Variants in MTRES1 observed in about 807,000 individuals in gnomAD.
MTRES1 encodes the protein mitochondrial transcription rescue factor 1.
Under a neutral mutation model 17.4 loss-of-function variants are expected in MTRES1, and 11 were observed. That is an observed-to-expected ratio of 0.63 (90% CI 0.40 to 1.05). The LOEUF (loss-of-function observed/expected upper bound fraction) is 1.05, where lower values mean the gene tolerates loss of function less well. Among genes scored for constraint, MTRES1 ranks in the 50% least tolerant of loss-of-function variants. The probability of loss-of-function intolerance (pLI) is 0.00; values close to 1 mark genes in which losing one functional copy is unlikely to be tolerated. For synonymous variants in MTRES1, 94 were observed against 99.6 expected (o/e 0.94, Z 0.34); for missense variants, 268 against 276.2 (o/e 0.97, Z 0.21).
chr6:107,051,456 G>T lies in MTRES1; in HGVS notation c.*220G>T. 2.2e-6 allele frequency: 1 copy of T among 464,286 alleles called. No homozygotes were observed. The highest frequency in any genetic ancestry group is 3.9e-6 in the Non-Finnish European group (1 of 259,148). 28.8% of individuals were successfully genotyped at this position (464,286 alleles called of 1,614,324 possible). ...CCATGCTCCTTTGACCTCCTCGTGT[G>T]AGAACCCCTTTGCCAGAGTGAGACG... On this transcript the variant is annotated 3_prime_UTR_variant, in exon 4 of 4. Coordinates refer to ENST00000311381, the MANE Select transcript of MTRES1 (RefSeq NM_016487.5).
chr6:107,030,858 C>T (rs1384127314), intron 1 of MTRES1, among the ~76,000 whole-genome samples: 1 of 152,102 alleles, frequency 6.6e-6, no homozygotes, highest in African/African-American at 2.4e-5. Flanking sequence ...TATGTTAACT[C>T]GTTTCTGCAC....
intron 1 of MTRES1, among the ~76,000 whole-genome samples, chr6:107,036,804 C>T (rs1278794709): frequency 1.3e-5 from 2 of 149,746 alleles, no homozygotes; most frequent in Non-Finnish European, 3.0e-5. Flanking sequence ...GAGCTGAGAT[C>T]GCGCCACTGT....
chr6:107,043,970 T>C (rs1400099380), intron 2 of MTRES1, among the ~76,000 whole-genome samples: 1 of 152,108 alleles, frequency 6.6e-6, no homozygotes, highest in African/African-American at 2.4e-5. Flanking sequence ...CTACTAAAAA[T>C]ACAAAAGTTA....
chr6:107,041,067 A>T (rs1343493536), intron 2 of MTRES1, among the ~76,000 whole-genome samples: 1 of 150,360 alleles, frequency 6.7e-6, no homozygotes, highest in Non-Finnish European at 1.5e-5. Context: ...TCTACTAAAA[A>T]TACAAAAAAT....
chr6:107,049,770 G>A (rs1232838691), intron 3 of MTRES1, among the ~76,000 whole-genome samples: 1 of 149,910 alleles, frequency 6.7e-6, no homozygotes, highest in African/African-American at 2.5e-5. Flanking sequence ...CGCCCAGGCT[G>A]GAGTGCAATG....
At chr6:107,050,696 C>T (rs546303952) in intron 3 of MTRES1, among the ~76,000 whole-genome samples, 1 of 151,942 alleles carries the variant, frequency 6.6e-6, no homozygotes, top group East Asian at 1.9e-4. Flanking sequence ...CCTGCCACAG[C>T]CTTCCGAGTA....
At chr6:107,033,790 C>T (rs1582594496) in intron 1 of MTRES1, among the ~76,000 whole-genome samples, 1 of 152,038 alleles carries the variant, frequency 6.6e-6, no homozygotes, top group East Asian at 1.9e-4. Flanking sequence ...TGCACTCCAG[C>T]CTGGGCGACA....
At chr6:107,031,890 C>T (rs554541505) in intron 1 of MTRES1, among the ~76,000 whole-genome samples, 6 of 152,186 alleles carry the variant, frequency 3.9e-5, no homozygotes, top group South Asian at 2.1e-4. Context: ...CATGAGCCAC[C>T]GTGTCCGGCC....
chr6:107,031,504 A>G (rs1773840767), intron 1 of MTRES1, among the ~76,000 whole-genome samples: 1 of 148,614 alleles, frequency 6.7e-6, no homozygotes, highest in Non-Finnish European at 1.5e-5. Flanking sequence ...CTGGAGTGCA[A>G]TGGCTTCGGC....
intron 1 of MTRES1, chr6:107,028,869 T>C: frequency 1.0e-6 from 1 of 985,090 alleles, no homozygotes; most frequent in Non-Finnish European, 1.2e-6. Flanking sequence ...CGTGATCATC[T>C]CTCCACTCAT....
intron 3 of MTRES1, among the ~76,000 whole-genome samples, chr6:107,046,791 C>T (rs1774404111): frequency 6.6e-6 from 1 of 152,146 alleles, no homozygotes; most frequent in African/African-American, 2.4e-5. Context: ...TGTTGGGTAA[C>T]TGTTGATTAA....
In MTRES1 at chr6:107,051,166, G is replaced by A. The variant is rs1218915158; in HGVS notation, c.653G>A (p.Ser218Asn). Residue 218 changes from serine (S) to asparagine (N), a missense_variant, in exon 4 of 4, where the codon AGT (serine) becomes AAT (asparagine). Physicochemically the swap from Ser to Asn is conservative, Grantham distance 46 (BLOSUM62 1). Coordinates refer to ENST00000311381, the MANE Select transcript of MTRES1 (RefSeq NM_016487.5). Reference protein sequence around the residue: ...LKKVFEEKTESEKYRVVLRRW... With the variant: ...LKKVFEEKTENEKYRVVLRRW... ...AAAGTGTTTGAAGAGAAGACTGAAA[G>A]TGAAAAATACAGAGTGGTGTTACGG... is the stretch of plus-strand genomic sequence containing the variant. 7 of 1,614,006 alleles carry A rather than the reference G, an allele frequency of 4.3e-6. No individual in the cohort carries two copies. Among genetic ancestry groups the A allele is most frequent in the African/African-American group, 4.0e-5 (3 of 74,930 alleles).
intron 3 of MTRES1, among the ~76,000 whole-genome samples, chr6:107,047,485 T>G (rs569591234): frequency 6.6e-6 from 1 of 152,166 alleles, no homozygotes; most frequent in African/African-American, 2.4e-5. Context: ...CTCCCAAAAT[T>G]CTGAGATTGC....
Position 107,040,137 on chromosome 6 carries a change from C to T in MTRES1, c.377C>T (p.Pro126Leu). 6.2e-7 allele frequency: 1 copy of T among 1,613,582 alleles called. No homozygotes were observed. Among genetic ancestry groups the T allele is most frequent in the Non-Finnish European group, 8.5e-7 (1 of 1,179,968 alleles). The change falls in exon 2 of 4, where the codon CCT becomes CTT. Residue 126 changes from proline (P) to leucine (L), a missense_variant. By Grantham distance (98) the Pro-to-Leu change is moderately conservative. Coordinates refer to ENST00000311381, the MANE Select transcript of MTRES1 (RefSeq NM_016487.5). ...SEQEEELEDD[P>L]TVVKNYKDLE... ...CAGGAAGAGGAGCTTGAGGATGATCCTACTGTAGTCAAAAACTATAAAGAC... is the reference window on the plus strand; with the variant it reads ...CAGGAAGAGGAGCTTGAGGATGATCTTACTGTAGTCAAAAACTATAAAGAC...
Position 107,051,406 on chromosome 6 carries a change from A to C in MTRES1, c.*170A>C. On this transcript the variant is annotated 3_prime_UTR_variant, in exon 4 of 4. Coordinates refer to ENST00000311381, the MANE Select transcript of MTRES1 (RefSeq NM_016487.5). ...GGAGACACTTCCCAAGGCCTGCCTC[A>C]CCTCCACCCCCTGCCCACCTTGATC... is the stretch of plus-strand genomic sequence containing the variant. 1.7e-6 allele frequency: 1 copy of C among 577,032 alleles called. No homozygotes were observed. 35.7% of individuals were successfully genotyped at this position (577,032 alleles called of 1,614,324 possible). A position where few individuals can be genotyped will look rare whatever the true frequency, so the allele number is the denominator to read the frequency against.
At chr6:107,036,126 A>T (rs929425134) in intron 1 of MTRES1, among the ~76,000 whole-genome samples, 16 of 152,306 alleles carry the variant, frequency 1.1e-4, no homozygotes, top group Non-Finnish European at 2.4e-4. Flanking sequence ...ATTCAAATAT[A>T]CTACTGTTGG....
At chr6:107,037,615 G>A (rs908491448) in intron 1 of MTRES1, among the ~76,000 whole-genome samples, 2 of 152,152 alleles carry the variant, frequency 1.3e-5, no homozygotes, top group African/African-American at 4.8e-5. Context: ...TCTCTATTAC[G>A]CTAGAATATG....
intron 1 of MTRES1, among the ~76,000 whole-genome samples, chr6:107,029,729 C>A (rs1773770288): frequency 1.3e-5 from 2 of 150,244 alleles, no homozygotes; most frequent in African/African-American, 4.9e-5. Flanking sequence ...AGTGATCCGC[C>A]CGCCTCAGCC....
At chr6:107,030,196 G>C in intron 1 of MTRES1, 1 of 718,002 alleles carries the variant, frequency 1.4e-6, no homozygotes, top group South Asian at 1.5e-5. Flanking sequence ...AGAGGAAATG[G>C]GGGTTGAGGG....
Sources: gnomAD v4.1 joint callset for allele counts (sites outside exome capture counted in the v4.1 genomes callset) on GRCh38, gnomAD v4.1.1 for gene constraint, MANE v1.5 for transcripts, NCBI Gene and HGNC (gene_info 2026-07-23, HGNC 2026-07-21) for gene names.